Variants in PIP5K1B observed in about 807,000 individuals in gnomAD.
PIP5K1B encodes the protein phosphatidylinositol-4-phosphate 5-kinase type 1 beta.
PIP5K1B carries 42 observed loss-of-function variants against 67.0 expected under a neutral mutation model. That is an observed-to-expected ratio of 0.63 (90% CI 0.49 to 0.81). PIP5K1B has a LOEUF of 0.81. PIP5K1B is among the 30% of genes least tolerant of loss of function. The probability of loss-of-function intolerance (pLI) is 0.00; values close to 1 mark genes in which losing one functional copy is unlikely to be tolerated. For synonymous variants in PIP5K1B, 214 were observed against 231.4 expected, an observed-to-expected ratio of 0.92 and a Z score of 0.68; for missense variants, 459 against 646.3, an observed-to-expected ratio of 0.71 and a Z score of 3.14.
chr9:68,775,318 C>T (rs1219859942), intron 2 of PIP5K1B, among the ~76,000 whole-genome samples: 1 of 152,196 alleles, frequency 6.6e-6, no homozygotes, highest in Non-Finnish European at 1.5e-5. Context: ...TACCACAGAT[C>T]TTAGCAATCT....
At chr9:68,716,405 G>C (rs927084997) in intron 1 of PIP5K1B, among the ~76,000 whole-genome samples, 1 of 152,208 alleles carries the variant, frequency 6.6e-6, no homozygotes, top group Admixed American at 6.5e-5. Flanking sequence ...GAGGGAAGCA[G>C]TTGTTAAGGA....
intron 8 of PIP5K1B, among the ~76,000 whole-genome samples, chr9:68,909,784 G>A (rs953703812): frequency 6.6e-6 from 1 of 152,194 alleles, no homozygotes; most frequent in Admixed American, 6.5e-5. Flanking sequence ...GGCACATCAT[G>A]TCAGAATGCC....
At chr9:68,807,494 C>G (rs1442466958) in intron 2 of PIP5K1B, among the ~76,000 whole-genome samples, 1 of 152,148 alleles carries the variant, frequency 6.6e-6, no homozygotes, top group African/African-American at 2.4e-5. Flanking sequence ...TCAGACTTCC[C>G]CACAGGCACA....
At position 68,813,771 on chromosome 9, in the gene PIP5K1B, C is replaced by T. The variant is rs190027170; in HGVS notation, c.-85-4690C>T. ...GACAGAGGCCAGGGCTGGAGTAACA[C>T]AGTGGCAAGCCAAGGGACTCCAAGA... On this transcript the variant is annotated intron_variant, in intron 2 of 15. Transcript: ENST00000265382. 2.6e-5 allele frequency among the ~76,000 whole-genome samples: 4 copies of T among 152,214 alleles called. No individual in the cohort carries two copies. In the East Asian group the frequency reaches 7.7e-4, roughly 29 times the overall value.
Position 68,729,248 on chromosome 9 carries a change from C to T in PIP5K1B, c.-242-13253C>T, listed in dbSNP as rs1180352250. On this transcript the variant is annotated intron_variant, in intron 1 of 15. Coordinates refer to ENST00000265382, the MANE Select transcript of PIP5K1B (RefSeq NM_003558.4). ...TTAGATGAATGGAGATATTTATATCCAAATATATTCATGTTCTTATAATAT... is the reference window on the plus strand; with the variant it reads ...TTAGATGAATGGAGATATTTATATCTAAATATATTCATGTTCTTATAATAT... Among the ~76,000 whole-genome samples the T allele has an allele frequency of 2.0e-5, 3 of 151,902 alleles. No homozygotes were observed. The East Asian group carries it at 5.8e-4, about 29-fold the overall frequency.
intron 14 of PIP5K1B, among the ~76,000 whole-genome samples, chr9:68,954,726 C>T (rs1012154084): frequency 2.0e-4 from 30 of 152,266 alleles, no homozygotes; most frequent in Admixed American, 5.2e-4. Context: ...AATGTTGATA[C>T]GACAGCAGTG....
At chr9:68,876,411 A>G (rs1281861453) in intron 5 of PIP5K1B, among the ~76,000 whole-genome samples, 2 of 152,220 alleles carry the variant, frequency 1.3e-5, no homozygotes, top group South Asian at 2.1e-4. Context: ...CTTCCCAGGA[A>G]GAAGGCACAA....
chr9:68,899,873 T>C (rs755546004), intron 8 of PIP5K1B, among the ~76,000 whole-genome samples: 5 of 152,194 alleles, frequency 3.3e-5, no homozygotes, highest in Non-Finnish European at 7.3e-5. Context: ...GTAATAAGCA[T>C]AGTACCTAAT....
At chr9:68,934,839 A>G (rs756584978) in intron 12 of PIP5K1B, 51 bp from the exon 13 acceptor site, 2 of 1,260,080 alleles carry the variant, frequency 1.6e-6, no homozygotes, top group Non-Finnish European at 2.2e-6. Flanking sequence ...ATAAAATAGT[A>G]ATGTGATTTT....
intron 11 of PIP5K1B, among the ~76,000 whole-genome samples, chr9:68,922,058 G>A (rs868077649): frequency 1.9e-4 from 29 of 152,098 alleles, no homozygotes; most frequent in African/African-American, 6.8e-4. Flanking sequence ...AATCCTCTAT[G>A]GATACCCCTC....
chr9:68,820,255 T>C (rs576174048), intron 3 of PIP5K1B, among the ~76,000 whole-genome samples: 15 of 152,344 alleles, frequency 9.8e-5, no homozygotes, highest in Non-Finnish European at 1.8e-4. Context: ...TCTTCTGGCA[T>C]TTTTATTCAA....
intron 7 of PIP5K1B, among the ~76,000 whole-genome samples, chr9:68,891,066 G>A (rs1824756276): frequency 6.6e-6 from 1 of 152,086 alleles, no homozygotes; most frequent in Admixed American, 6.6e-5. Context: ...TGGGCAACAT[G>A]GTGAAACCCC....
chr9:68,819,657 A>G (rs930279093), intron 3 of PIP5K1B, among the ~76,000 whole-genome samples: 12 of 152,218 alleles, frequency 7.9e-5, no homozygotes, highest in Non-Finnish European at 1.6e-4. Flanking sequence ...GTGCAGAAGC[A>G]TAGCAAGTCT....
At chr9:68,916,575 G>A (rs891198998) in intron 8 of PIP5K1B, among the ~76,000 whole-genome samples, 12 of 152,000 alleles carry the variant, frequency 7.9e-5, no homozygotes, top group Non-Finnish European at 1.3e-4. Flanking sequence ...CGGCACCTTC[G>A]AAAGACAGAC....
chr9:68,992,662 A>C (rs1830429366), intron 15 of PIP5K1B, among the ~76,000 whole-genome samples: 1 of 151,596 alleles, frequency 6.6e-6, no homozygotes, highest in African/African-American at 2.4e-5. Flanking sequence ...CAGGATGGTG[A>C]AACCCCATCT....
Position 68,985,345 on chromosome 9 carries a change from G to A in PIP5K1B, c.1503-5795G>A, listed in dbSNP as rs143465449. ...CGGCTCACTGCCACCTCCGTCTTCC[G>A]GATTCAAGCAATTCTCCTGCCTCAG... On this transcript the variant is annotated intron_variant, in intron 14 of 15. Coordinates refer to ENST00000265382, the MANE Select transcript of PIP5K1B (RefSeq NM_003558.4). Among the ~76,000 whole-genome samples the A allele has an allele frequency of 6.5e-3, 980 of 151,490 alleles. 13 individuals are homozygous for A. The highest frequency in any genetic ancestry group is 0.022 in the African/African-American group (900 of 41,270).
chr9:68,814,681 G>T (rs930410243), intron 2 of PIP5K1B, among the ~76,000 whole-genome samples: 4 of 152,060 alleles, frequency 2.6e-5, no homozygotes, highest in Admixed American at 1.3e-4. Context: ...TTAGCCAGGT[G>T]TGGTGGCGTG....
intron 1 of PIP5K1B, among the ~76,000 whole-genome samples, chr9:68,723,044 G>A (rs1200079486): frequency 6.6e-6 from 1 of 152,106 alleles, no homozygotes; most frequent in Non-Finnish European, 1.5e-5. Flanking sequence ...GTGAGAACAT[G>A]GAATATTTGT....
chr9:68,847,767 A>G (rs559582262), intron 4 of PIP5K1B, among the ~76,000 whole-genome samples: 286 of 152,180 alleles, frequency 1.9e-3, no homozygotes, highest in Non-Finnish European at 3.5e-3. Flanking sequence ...CCATCTCCAC[A>G]CCTATGGGCA....
Sources: allele counts gnomAD v4.1 joint callset (sites outside exome capture counted in the v4.1 genomes callset), GRCh38; gene constraint gnomAD v4.1.1; transcripts MANE v1.5; gene names NCBI Gene and HGNC (gene_info 2026-07-23, HGNC 2026-07-21).